JCAD: variants seen among roughly 807,000 people sequenced by gnomAD.
JCAD encodes the protein junctional cadherin 5 associated.
JCAD carries 40 observed loss-of-function variants against 98.0 expected under a neutral mutation model. The observed-to-expected ratio is 0.41, with a 90% confidence interval of 0.32 to 0.53. The LOEUF (loss-of-function observed/expected upper bound fraction) is 0.53, where lower values mean the gene tolerates loss of function less well. Among genes scored for constraint, JCAD ranks in the 20% least tolerant of loss-of-function variants. The pLI is 0.31. For missense variants in JCAD, 1,705 were observed against 1,738.1 expected, an observed-to-expected ratio of 0.98 and a Z score of 0.34; for synonymous variants, 691 against 682.3, an observed-to-expected ratio of 1.01 and a Z score of -0.20.
chr10:30,037,615 G>A (rs1837141799), intron 2 of JCAD, among the ~76,000 whole-genome samples: 1 of 151,966 alleles, frequency 6.6e-6, no homozygotes, highest in African/African-American at 2.4e-5. Context: ...GTACCTGGCG[G>A]ACTATTTCTG....
chr10:30,047,389 A>G, intron 2 of JCAD, 143 bp downstream of exon 2: 1 of 1,031,042 alleles, frequency 9.7e-7, no homozygotes, highest in Non-Finnish European at 1.4e-6. Flanking sequence ...CAAAACAAAA[A>G]GCAAAAAAAG....
intron 1 of JCAD, among the ~76,000 whole-genome samples, chr10:30,051,287 C>CACACAA (rs1277629928): frequency 7.0e-6 from 1 of 143,118 alleles, no homozygotes; most frequent in Admixed American, 6.8e-5. Context: ...CACGCACGCA[C>CACACAA]ACACACACAC....
At chr10:30,087,702 T>A (rs556279874) in intron 1 of JCAD, among the ~76,000 whole-genome samples, 1 of 152,310 alleles carries the variant, frequency 6.6e-6, no homozygotes, top group Admixed American at 6.5e-5. Context: ...TTCTCCATTT[T>A]TTCAGTAATA....
chr10:30,037,806 G>A (rs1254760879), intron 2 of JCAD, among the ~76,000 whole-genome samples: 1 of 152,126 alleles, frequency 6.6e-6, no homozygotes, highest in Non-Finnish European at 1.5e-5. Flanking sequence ...TAGGAGGCAT[G>A]TTGGAAAGGC....
intron 2 of JCAD, chr10:30,044,883 G>A (rs1210504386): frequency 2.7e-6 from 2 of 729,476 alleles, no homozygotes; most frequent in Non-Finnish European, 3.4e-6. Context: ...AGTCTCTGAA[G>A]CTTGGGGCAC....
rs1237444128 is a variant in JCAD, at chr10:30,092,103, T to C, written n.129-22282A>G. ...TATATATATATAAAGTTACTTTATA[T>C]ATATATATATATATATATATATAAA... On this transcript the variant is annotated intron_variant and non_coding_transcript_variant, in intron 1 of 2. Coordinates refer to the JCAD transcript ENST00000465712. 8.1e-3 allele frequency among the ~76,000 whole-genome samples: 782 copies of C among 96,316 alleles called. 66 individuals carry two copies. The highest frequency in any genetic ancestry group is 0.038 in the African/African-American group (738 of 19,336). The allele number at this position is 96,316 out of a possible 152,430, so 63.2% of individuals were successfully genotyped here.
rs1836517644 is a variant in JCAD at position 30,015,691 on chromosome 10, T to G, written c.*2192A>C. The G allele has an allele frequency of 6.6e-6, 1 of 152,232 alleles. No homozygotes were observed. Among genetic ancestry groups the G allele is most frequent in the Admixed American group, 6.5e-5 (1 of 15,286 alleles). 9.4% of individuals were successfully genotyped at this position (152,232 alleles called of 1,614,324 possible). ...GGAATGAGCTAAAATTAAGTTATTT[T>G]GATTCAAAGAGGTATTTAGATGGTA... On this transcript the variant is annotated 3_prime_UTR_variant, in exon 4 of 4. Coordinates refer to ENST00000375377, the MANE Select transcript of JCAD (RefSeq NM_020848.4).
chr10:30,069,983 T>G (rs568534578), intron 1 of JCAD, among the ~76,000 whole-genome samples: 385 of 152,288 alleles, frequency 2.5e-3, no homozygotes, highest in South Asian at 4.8e-3. Flanking sequence ...TAGCCTCTTA[T>G]GGACCTGAAT....
chr10:30,078,369 C>T (rs1160858316), intron 1 of JCAD, among the ~76,000 whole-genome samples: 3 of 152,166 alleles, frequency 2.0e-5, no homozygotes, highest in African/African-American at 7.2e-5. Context: ...AGGCACTTTG[C>T]ACTCTCTCTG....
At chr10:30,073,355 C>T (rs559326479) in intron 1 of JCAD, among the ~76,000 whole-genome samples, 19 of 152,178 alleles carry the variant, frequency 1.2e-4, no homozygotes, top group Non-Finnish European at 2.5e-4. Flanking sequence ...ACAGAGCCAA[C>T]ATTCTATGAG....
intron 1 of JCAD, among the ~76,000 whole-genome samples, chr10:30,094,319 G>A (rs567689203): frequency 1.1e-3 from 164 of 152,106 alleles, no homozygotes; most frequent in African/African-American, 3.8e-3. Context: ...GCATAGTGGT[G>A]GGTGCCTGTA....
At chr10:30,085,029 A>G (rs1838145936) in intron 1 of JCAD, among the ~76,000 whole-genome samples, 1 of 152,238 alleles carries the variant, frequency 6.6e-6, no homozygotes, top group Admixed American at 6.5e-5. Context: ...TCACATTAAT[A>G]AAATAAAGAA....
chr10:30,099,219 A>G (rs1282966191), intron 1 of JCAD, among the ~76,000 whole-genome samples: 1 of 152,258 alleles, frequency 6.6e-6, no homozygotes, highest in Non-Finnish European at 1.5e-5. Flanking sequence ...AACATAAGAC[A>G]TCATTGCAAA....
At chr10:30,105,255 G>T (rs1331255739) in intron 1 of JCAD, among the ~76,000 whole-genome samples, 1 of 152,122 alleles carries the variant, frequency 6.6e-6, no homozygotes, top group Non-Finnish European at 1.5e-5. Context: ...AAGATGAAAA[G>T]AAGACAAAGG....
rs747949504 is a variant in JCAD at position 30,028,183 on chromosome 10, T to C, written c.1965A>G (p.Pro655=). The change falls in exon 3 of 4, where the codon CCA becomes CCG. Residue 655 remains proline, a synonymous_variant. Coordinates refer to ENST00000375377, the MANE Select transcript of JCAD (RefSeq NM_020848.4). ...GGTCATTTGTTTGTCTGTCTTCTTC[T>C]GGTTCCCCTAGATCTTGTTTTTGGA... ...TEFQKQDLGE[P]EEDRQTNDLS... is the part of the protein sequence containing the mutation. The C allele has an allele frequency of 1.9e-6, 3 of 1,614,116 alleles. No individual in the cohort carries two copies.
chr10:30,086,453 T>G (rs1838168766), intron 1 of JCAD, among the ~76,000 whole-genome samples: 1 of 152,226 alleles, frequency 6.6e-6, no homozygotes. Context: ...CAGGATGATG[T>G]CAGTTGACAG....
Position 30,027,466 on chromosome 10 carries a change from C to T in JCAD, c.2682G>A (p.Pro894=), listed in dbSNP as rs1275693572. 4 of 1,605,662 alleles carry T rather than the reference C, an allele frequency of 2.5e-6. No homozygotes were observed. The highest frequency in any genetic ancestry group is 1.7e-5 in the Admixed American group (1 of 60,024). Residue 894 remains proline, a synonymous_variant, in exon 3 of 4, where the codon CCG becomes CCA. Coordinates refer to ENST00000375377, the MANE Select transcript of JCAD (RefSeq NM_020848.4). ...NSPEMRVEPQ[P]RMWVPESPVC... ...CAGGGCTCTCCGGCACCCACATCCT[C>T]GGCTGTGGCTCAACCCTCATTTCCG...
At position 30,015,255 on chromosome 10, in the gene JCAD, CAA is replaced by C. The variant is rs1469497085; in HGVS notation, c.*2626_*2627del. On this transcript the variant is annotated 3_prime_UTR_variant, in exon 4 of 4. Coordinates refer to ENST00000375377, the MANE Select transcript of JCAD (RefSeq NM_020848.4). ...CAGTAAATTGTGTGCATGAGAAGAACAAAGACAAATACAAAATATAGAAACTT... is the reference window on the plus strand; with the variant it reads ...CAGTAAATTGTGTGCATGAGAAGAACAGACAAATACAAAATATAGAAACTT... 6.6e-6 allele frequency: 1 copy of C among 151,964 alleles called. No individual in the cohort carries two copies. The highest frequency in any genetic ancestry group is 2.4e-5 in the African/African-American group (1 of 41,354). The allele number at this position is 151,964 out of a possible 1,614,324, so 9.4% of individuals were successfully genotyped here. A position where few individuals can be genotyped will look rare whatever the true frequency, so the allele number is the denominator to read the frequency against.
upstream of JCAD, among the ~76,000 whole-genome samples, chr10:30,060,800 C>T (rs1189558910): frequency 3.9e-5 from 6 of 152,096 alleles, no homozygotes; most frequent in Non-Finnish European, 5.9e-5. Flanking sequence ...GGCTCAGGGA[C>T]GGGCACAGAT....
Sources: allele counts gnomAD v4.1 joint callset (sites outside exome capture counted in the v4.1 genomes callset), GRCh38; gene constraint gnomAD v4.1.1; transcripts MANE v1.5; gene names NCBI Gene and HGNC (gene_info 2026-07-23, HGNC 2026-07-21).